Variants in LRRK2 observed in about 807,000 individuals in gnomAD.
LRRK2 encodes the protein leucine rich repeat kinase 2.
LRRK2 carries 203 observed loss-of-function variants against 302.6 expected under a neutral mutation model. The ratio of observed to expected loss-of-function variants is 0.67; its 90% CI spans 0.60 to 0.75. The LOEUF is 0.75. Ranked by LOEUF, LRRK2 falls within the 30% of genes least tolerant of loss-of-function variation. The pLI, the probability that LRRK2 is intolerant of heterozygous loss-of-function variation, is 0.00. For synonymous variants in LRRK2, 1,066 were observed against 1,031.9 expected (o/e 1.03, Z -0.63); for missense variants, 2,830 against 2,951.0 (o/e 0.96, Z 0.95).
chr12:40,281,806 A>G (rs7979341), intron 18 of LRRK2, among the ~76,000 whole-genome samples: 107,034 of 152,150 alleles, frequency 0.7, 37,837 homozygotes, highest in African/African-American at 0.75. Context: ...CATGTGCAGC[A>G]CACAGTGCTA....
At chr12:40,255,739 T>A (rs186510937) in intron 11 of LRRK2, among the ~76,000 whole-genome samples, 48 of 152,286 alleles carry the variant, frequency 3.2e-4, no homozygotes, top group African/African-American at 1.1e-3. Flanking sequence ...TAACCCAGTG[T>A]CATTTTTGTC....
intron 28 of LRRK2, among the ~76,000 whole-genome samples, chr12:40,306,541 C>T (rs1320669624): frequency 6.6e-6 from 1 of 152,014 alleles, no homozygotes; most frequent in East Asian, 1.9e-4. Context: ...CCTTTTTGTT[C>T]CCTTTCAGCA....
chr12:40,330,021 CAT>C (rs1945669208), intron 39 of LRRK2, among the ~76,000 whole-genome samples: 2 of 152,230 alleles, frequency 1.3e-5, no homozygotes, highest in South Asian at 4.1e-4. Context: ...TCATTCAGCA[CAT>C]GACTTACTGC....
intron 19 of LRRK2, 59 bp from the exon 20 acceptor site, chr12:40,287,292 T>A (rs1206020162): frequency 2.0e-6 from 3 of 1,485,298 alleles, no homozygotes; most frequent in African/African-American, 1.4e-5. Flanking sequence ...TGGTCCTATG[T>A]ATGTTTATTT....
chr12:40,278,125 T>G lies in LRRK2; in HGVS notation c.2105T>G (p.Val702Gly). Residue 702 changes from valine (V) to glycine (G), a missense_variant, in exon 18 of 51, where the codon GTA becomes GGA. Val to Gly is a moderately radical substitution (Grantham distance 109, BLOSUM62 -3). This residue lies in a region of LRRK2 where 2,121 missense variants were observed against 2,148.0 expected (regional missense o/e 0.99). Transcript: ENST00000298910. Reference sequence around the variant, plus strand: ...CTCTGTTGCAAGTGTTTTGCAAAAGTAGCTATGGATGATTACTTAAAAAAT... The same window carrying G: ...CTCTGTTGCAAGTGTTTTGCAAAAGGAGCTATGGATGATTACTTAAAAAAT... ...LNLCCKCFAK[V>G]AMDDYLKNVM... 1.9e-6 allele frequency: 3 copies of G among 1,614,116 alleles called. No individual in the cohort carries two copies. Among genetic ancestry groups the G allele is most frequent in the Non-Finnish European group, 2.5e-6 (3 of 1,179,996 alleles).
intron 4 of LRRK2, among the ~76,000 whole-genome samples, chr12:40,237,129 A>G (rs1941503054): frequency 6.6e-6 from 1 of 152,152 alleles, no homozygotes; most frequent in African/African-American, 2.4e-5. Flanking sequence ...AAAAATGTTT[A>G]GTGAGGAGCA....
At chr12:40,267,230 T>C (rs1301055176) in intron 14 of LRRK2, among the ~76,000 whole-genome samples, 4 of 152,192 alleles carry the variant, frequency 2.6e-5, no homozygotes, top group African/African-American at 7.2e-5. Flanking sequence ...TGAAACTTAC[T>C]ATATTGACAG....
intron 15 of LRRK2, 22 bp downstream of exon 15, chr12:40,274,749 G>A: frequency 6.2e-7 from 1 of 1,613,868 alleles, no homozygotes; most frequent in Non-Finnish European, 8.5e-7. Flanking sequence ...TTGAATTCAG[G>A]ATTTAGAATA....
Position 40,308,549 on chromosome 12 carries a change from A to C in LRRK2, c.4042A>C (p.Thr1348Pro), listed in dbSNP as rs776146975. The C allele has an allele frequency of 1.9e-6, 3 of 1,614,026 alleles. No individual in the cohort carries two copies. Among genetic ancestry groups the C allele is most frequent in the Non-Finnish European group, 2.5e-6 (3 of 1,179,954 alleles). Residue 1348 changes from threonine (T) to proline (P), a missense_variant, in exon 29 of 51, where the codon ACC becomes CCC. This residue lies in a region of LRRK2 where 2,121 missense variants were observed against 2,148.0 expected (regional missense o/e 0.99). Coordinates refer to ENST00000298910, the MANE Select transcript of LRRK2 (RefSeq NM_198578.4). ...TGTGGGAAATACTGGGAGTGGTAAA[A>C]CCACCTTATTGCAGCAATTAATGAA... ...MIVGNTGSGKTTLLQQLMKTK... is the reference protein window; with the variant it reads ...MIVGNTGSGKPTLLQQLMKTK...
At chr12:40,272,474 G>A (rs1943272737) in intron 14 of LRRK2, among the ~76,000 whole-genome samples, 1 of 152,178 alleles carries the variant, frequency 6.6e-6, no homozygotes, top group African/African-American at 2.4e-5. Flanking sequence ...GGTTTTGGGA[G>A]GATTAAGTAG....
chr12:40,363,917 C>T (rs1946796320), intron 48 of LRRK2, among the ~76,000 whole-genome samples: 1 of 151,790 alleles, frequency 6.6e-6, no homozygotes, highest in African/African-American at 2.4e-5. Flanking sequence ...ATTATCTGCT[C>T]TAAAGAAAAA....
intron 27 of LRRK2, 121 bp from the exon 28 acceptor site, chr12:40,305,664 T>C (rs891473397): frequency 3.5e-6 from 3 of 855,422 alleles, no homozygotes; most frequent in Non-Finnish European, 5.9e-6. Flanking sequence ...AAAACTCTGT[T>C]GAAAGGTTGT....
At chr12:40,283,748 CTTATT>C (rs1277527329) in intron 18 of LRRK2, 122 bp from the exon 19 acceptor site, 1 of 766,604 alleles carries the variant, frequency 1.3e-6, no homozygotes, top group African/African-American at 1.8e-5. Context: ...TCAGTTTTGC[CTTATT>C]TTATTTTGTT....
chr12:40,331,829 A>G (rs1376707184), intron 39 of LRRK2, among the ~76,000 whole-genome samples: 1 of 152,238 alleles, frequency 6.6e-6, no homozygotes, highest in Non-Finnish European at 1.5e-5. Context: ...GGTACTCACC[A>G]TAGGATTGGT....
intron 48 of LRRK2, 107 bp downstream of exon 48, chr12:40,363,661 T>C (rs903837797): frequency 1.2e-5 from 16 of 1,298,036 alleles, no homozygotes; most frequent in Non-Finnish European, 1.7e-5. Context: ...AGAGAATTTT[T>C]TTAAAATGCA....
chr12:40,315,968 C>T (rs1200554794), intron 33 of LRRK2, among the ~76,000 whole-genome samples: 2 of 151,932 alleles, frequency 1.3e-5, no homozygotes, highest in Non-Finnish European at 2.9e-5. Context: ...CTTTGTTGCA[C>T]ATTGTAGGAT....
At chr12:40,293,173 C>G (rs1399421273) in intron 20 of LRRK2, among the ~76,000 whole-genome samples, 1 of 152,042 alleles carries the variant, frequency 6.6e-6, no homozygotes, top group African/African-American at 2.4e-5. Context: ...ACTTTCTGCA[C>G]ACACATATAT....
intron 7 of LRRK2, among the ~76,000 whole-genome samples, chr12:40,247,500 T>A (rs530568541): frequency 2.9e-5 from 4 of 136,588 alleles, no homozygotes; most frequent in African/African-American, 1.1e-4. Context: ...GTATATATAT[T>A]TACACATGTA....
At chr12:40,335,735 G>A (rs1284570396) in intron 40 of LRRK2, among the ~76,000 whole-genome samples, 3 of 152,214 alleles carry the variant, frequency 2.0e-5, no homozygotes, top group African/African-American at 7.2e-5. Context: ...TAAATAGTCT[G>A]TGAACCATGA....
Sources: gnomAD v4.1 joint callset for allele counts (sites outside exome capture counted in the v4.1 genomes callset) on GRCh38, gnomAD v4.1.1 for gene constraint, gnomAD v4.1.1 regional missense constraint, MANE v1.5 for transcripts, NCBI Gene and HGNC (gene_info 2026-07-23, HGNC 2026-07-21) for gene names.